The following MEIOSIN variants were observed in gnomAD, a reference collection of about 807,000 sequenced individuals.
The protein encoded by MEIOSIN is meiosis initiator.
MEIOSIN carries 18 observed loss-of-function variants against 23.4 expected under a neutral mutation model. That is an observed-to-expected ratio of 0.77 (90% CI 0.53 to 1.14). The LOEUF (loss-of-function observed/expected upper bound fraction) is 1.14. MEIOSIN is among the 50% of genes most tolerant of loss of function. MEIOSIN has a pLI of 0.00. For missense variants in MEIOSIN, 428 were observed against 242.9 expected (o/e 1.76, Z -5.07); for synonymous variants, 187 against 100.6 (o/e 1.86, Z -5.14).
At chr19:45,750,922 G>A (rs1968691405) in intron 5 of MEIOSIN, 136 bp downstream of exon 5, 1 of 391,614 alleles carries the variant, frequency 2.6e-6, no homozygotes, top group Admixed American at 4.5e-5. Context: ...CCTCAGAGAA[G>A]AGGGGCCTTG....
In MEIOSIN at chr19:45,754,580, G is replaced by A. The variant is rs1265845025; in HGVS notation, c.658G>A (p.Gly220Arg). The change falls in exon 7 of 15, where the codon GGG becomes AGG. Residue 220 changes from glycine (G) to arginine (R), a missense_variant. Coordinates refer to ENST00000457052, the MANE Select transcript of MEIOSIN (RefSeq NM_001310124.2). ...AGACCAGAAAGGAAGTGGCACAGGG[G>A]GGACCACTACCCCTCCAAGGTGCCC... ...SPDQKGSGTG[G>R]TTTPPRCPDS... 1 of 703,040 alleles carries A rather than the reference G, an allele frequency of 1.4e-6. No individual in the cohort carries two copies. Among genetic ancestry groups the A allele is most frequent in the Admixed American group, 2.0e-5 (1 of 50,016 alleles). The allele number at this position is 703,040 out of a possible 1,614,324, so 43.6% of individuals were successfully genotyped here.
chr19:45,735,252 T>C (rs1462195265), intron 1 of MEIOSIN, 125 bp from the exon 2 acceptor site: 4 of 612,964 alleles, frequency 6.5e-6, no homozygotes, highest in Non-Finnish European at 5.9e-6. Context: ...CTAGGGACTC[T>C]TATTTTGGGA....
intron 9 of MEIOSIN, 83 bp from the exon 10 acceptor site, chr19:45,758,795 C>A: frequency 1.5e-6 from 1 of 651,474 alleles, no homozygotes; most frequent in Non-Finnish European, 2.8e-6. Context: ...TAGCATCAGG[C>A]ACTATCTCCT....
At chr19:45,762,273 A>G (rs1968961249) in intron 13 of MEIOSIN, 90 bp downstream of exon 13, 2 of 400,330 alleles carry the variant, frequency 5.0e-6, no homozygotes, top group Non-Finnish European at 8.8e-6. Context: ...CAACTGTCTG[A>G]CACTTTTTCC....
intron 10 of MEIOSIN, 78 bp downstream of exon 10, chr19:45,759,111 G>A (rs1968892809): frequency 1.5e-6 from 1 of 687,592 alleles, no homozygotes; most frequent in Admixed American, 2.0e-5. Context: ...GGCCATCCTG[G>A]GTGCCCGGGG....
intron 5 of MEIOSIN, among the ~76,000 whole-genome samples, chr19:45,753,222 A>G (rs961437244): frequency 4.5e-4 from 69 of 152,174 alleles, no homozygotes; most frequent in African/African-American, 1.2e-3. Flanking sequence ...GTAGATGAGA[A>G]TGTGGATAGA....
In MEIOSIN at chr19:45,751,047, C is replaced by T. The variant is rs368525696; in HGVS notation, c.418+261C>T. Among the ~76,000 whole-genome samples the T allele has an allele frequency of 2.1e-3, 321 of 151,960 alleles. 3 individuals carry two copies. The highest frequency in any genetic ancestry group is 7.2e-3 in the African/African-American group (297 of 41,456). ...CGGCACTTTGGGAGGCCGAGGCGGG[C>T]GGATCGCTTGAGGTCAGGAGTTCGA... On this transcript the variant is annotated intron_variant, in intron 5 of 14. Coordinates refer to ENST00000457052, the MANE Select transcript of MEIOSIN (RefSeq NM_001310124.2).
intron 2 of MEIOSIN, among the ~76,000 whole-genome samples, chr19:45,737,451 A>G (rs1968426108): frequency 6.6e-6 from 1 of 151,862 alleles, no homozygotes; most frequent in African/African-American, 2.4e-5. Flanking sequence ...CTGGGGTTAC[A>G]GGCATGAGCC....
At chr19:45,734,177 G>A (rs1221645604) in intron 1 of MEIOSIN, among the ~76,000 whole-genome samples, 1 of 152,062 alleles carries the variant, frequency 6.6e-6, no homozygotes, top group Non-Finnish European at 1.5e-5. Context: ...TTAGAAGCAC[G>A]TTTTAGGGCC....
In MEIOSIN at chr19:45,757,289, T is replaced by C. The variant is rs763162670; in HGVS notation, c.1012+12T>C. ...GAACAGCCCCCAAGGTGACTGCAACTCTGTCTCTCCTCCTTGTAGGCTGGT... is the reference window on the plus strand; with the variant it reads ...GAACAGCCCCCAAGGTGACTGCAACCCTGTCTCTCCTCCTTGTAGGCTGGT... On this transcript the variant is annotated intron_variant, in intron 9 of 14. Coordinates refer to ENST00000457052, the MANE Select transcript of MEIOSIN (RefSeq NM_001310124.2). 2.9e-6 allele frequency: 2 copies of C among 701,436 alleles called. No homozygotes were observed. Among genetic ancestry groups the C allele is most frequent in the Non-Finnish European group, 5.2e-6 (2 of 383,930 alleles). The allele number at this position is 701,436 out of a possible 1,614,324, so 43.5% of individuals were successfully genotyped here. A position where few individuals can be genotyped will look rare whatever the true frequency, so the allele number is the denominator to read the frequency against.
rs557113913 is a variant in MEIOSIN at position 45,748,371 on chromosome 19, C to G, written c.307-2304C>G. The stretch of plus-strand genomic sequence containing the variant: ...CTGGGATTACAGGCGTGAGCCACCG[C>G]GCCTGGCCATGAGACCCCATCTTAA... On this transcript the variant is annotated intron_variant, in intron 4 of 14. Transcript: ENST00000457052. Among the ~76,000 whole-genome samples the G allele has an allele frequency of 2.6e-5, 4 of 152,324 alleles. No homozygotes were observed. In the South Asian group the frequency reaches 8.3e-4, roughly 32 times the overall value.
rs983631492 is a variant in MEIOSIN, at chr19:45,761,850, C to G, written c.1417C>G (p.Leu473Val). The stretch of plus-strand genomic sequence containing the variant: ...CTCGGAGGACAGCGACTCGGAGCCC[C>G]TGTGGAAGCAGCGAGAGGTGAGAGA... ...SSSEDSDSEPLWKQREDMQAN... is the reference protein window; with the variant it reads ...SSSEDSDSEPVWKQREDMQAN... The change falls in exon 12 of 15, where the codon CTG becomes GTG. Residue 473 changes from leucine (L) to valine (V), a missense_variant. By Grantham distance (32) the Leu-to-Val change is conservative (BLOSUM62 1). Transcript: ENST00000457052. 19 of 678,638 alleles carry G rather than the reference C, an allele frequency of 2.8e-5. No individual in the cohort carries two copies. In the African/African-American group the frequency reaches 2.8e-4, roughly 10 times the overall value. 42.0% of individuals were successfully genotyped at this position (678,638 alleles called of 1,614,324 possible).
In MEIOSIN at chr19:45,757,290, C is replaced by T; in HGVS notation, c.1012+13C>T. 1 of 701,488 alleles carries T rather than the reference C, an allele frequency of 1.4e-6. No individual in the cohort carries two copies. Among genetic ancestry groups the T allele is most frequent in the Middle Eastern group, 2.3e-4 (1 of 4,358 alleles). The allele number at this position is 701,488 out of a possible 1,614,324, so 43.5% of individuals were successfully genotyped here. On this transcript the variant is annotated intron_variant, in intron 9 of 14. Transcript: ENST00000457052. ...AACAGCCCCCAAGGTGACTGCAACT[C>T]TGTCTCTCCTCCTTGTAGGCTGGTG...
chr19:45,738,616 A>G (rs1039066314), intron 2 of MEIOSIN, among the ~76,000 whole-genome samples: 19 of 152,222 alleles, frequency 1.2e-4, no homozygotes, highest in African/African-American at 4.6e-4. Flanking sequence ...CAGTCTAAAA[A>G]AAGAAAAAAA....
intron 4 of MEIOSIN, 36 bp from the exon 5 acceptor site, chr19:45,750,639 G>A (rs745658009): frequency 8.0e-5 from 41 of 514,912 alleles, no homozygotes; most frequent in African/African-American, 5.0e-4. Context: ...GATTACAGGC[G>A]TGAGCCTGGC....
chr19:45,764,235 G>A lies in MEIOSIN; in HGVS notation c.*117G>A, dbSNP rs1320381993. ...GGGCCTCCAGCCCCTGAGAATGCAGGTCCCATGGGACTGGGGAGGGGGGCA... is the reference window on the plus strand; with the variant it reads ...GGGCCTCCAGCCCCTGAGAATGCAGATCCCATGGGACTGGGGAGGGGGGCA... On this transcript the variant is annotated 3_prime_UTR_variant, in exon 15 of 15. Transcript: ENST00000457052. 3 of 397,850 alleles carry A rather than the reference G, an allele frequency of 7.5e-6. No homozygotes were observed. Among genetic ancestry groups the A allele is most frequent in the Non-Finnish European group, 1.3e-5 (3 of 225,878 alleles). The allele number at this position is 397,850 out of a possible 1,614,324, so 24.6% of individuals were successfully genotyped here. A position where few individuals can be genotyped will look rare whatever the true frequency, so the allele number is the denominator to read the frequency against.
chr19:45,759,073 G>A (rs756991021), intron 10 of MEIOSIN, 40 bp downstream of exon 10: 2 of 702,776 alleles, frequency 2.8e-6, no homozygotes, highest in South Asian at 3.0e-5. Context: ...GTTCATTCGG[G>A]AAACATACGG....
chr19:45,738,704 A>G (rs1316398880), intron 2 of MEIOSIN, among the ~76,000 whole-genome samples: 1 of 152,236 alleles, frequency 6.6e-6, no homozygotes. Context: ...CTGAATTTGT[A>G]TGGCTTTCAC....
chr19:45,746,233 CG>C (rs1256434483), intron 4 of MEIOSIN, among the ~76,000 whole-genome samples: 1 of 152,154 alleles, frequency 6.6e-6, no homozygotes, highest in Non-Finnish European at 1.5e-5. Context: ...TCCCAAAGTT[CG>C]GGGATTACAG....
Sources: gnomAD v4.1 joint callset for allele counts (sites outside exome capture counted in the v4.1 genomes callset) on GRCh38, gnomAD v4.1.1 for gene constraint, MANE v1.5 for transcripts, NCBI Gene and HGNC (gene_info 2026-07-23, HGNC 2026-07-21) for gene names.